MYO15B: variants seen among roughly 807,000 people sequenced by gnomAD.
The protein encoded by MYO15B is myosin XVB, also known as myosin XVB pseudogene.
MYO15B carries 207 observed loss-of-function variants against 119.3 expected under a neutral mutation model. The observed-to-expected ratio is 1.73, with a 90% CI of 1.55 to 1.95. The LOEUF is 1.95. Ranked by LOEUF, MYO15B falls within the 30% of genes most tolerant of loss-of-function variation. The pLI is 0.00. For synonymous variants in MYO15B, 966 were observed against 498.9 expected (o/e 1.94, Z -12.48); for missense variants, 2,264 against 1,203.1 (o/e 1.88, Z -13.04).
At chr17:75,603,601 C>T (rs1331918979) in intron 19 of MYO15B, among the ~76,000 whole-genome samples, 1 of 152,220 alleles carries the variant, frequency 6.6e-6, no homozygotes, top group African/African-American at 2.4e-5. Context: ...GGGAGCAGTA[C>T]CTGCCCTAGG....
exon 38 of MYO15B, chr17:75,616,410 G>C (rs1021812808): frequency 2.9e-5 from 18 of 624,546 alleles, no homozygotes; most frequent in Middle Eastern, 5.1e-4. Context: ...GGAGGAGGAG[G>C]AGGAGCAGGA....
At chr17:75,614,887 C>A in intron 32 of MYO15B, 38 bp downstream of exon 32, 1 of 702,888 alleles carries the variant, frequency 1.4e-6, no homozygotes, top group Non-Finnish European at 2.6e-6. Context: ...CCTGCCCCAA[C>A]CCCCCGGGGC....
At chr17:75,621,744 G>A (rs542108578) in intron 52 of MYO15B, 174 bp downstream of exon 52, 124 of 602,664 alleles carry the variant, frequency 2.1e-4, no homozygotes, top group Non-Finnish European at 2.9e-4. Context: ...CCCACTCAAG[G>A]GTTGTGGGTT....
intron 61 of MYO15B, 88 bp from the exon 62 acceptor site, chr17:75,625,755 GT>G (rs1298299776): frequency 1.4e-6 from 1 of 700,990 alleles, no homozygotes; most frequent in Non-Finnish European, 2.6e-6. Flanking sequence ...CGCCTGCCCT[GT>G]CCCTCTCAGC....
rs377700191 is a variant in MYO15B at position 75,603,922 on chromosome 17, G to A, written c.4016+610G>A. On this transcript the variant is annotated intron_variant, in intron 19 of 63. Transcript: ENST00000645453. Reference sequence around the variant, plus strand: ...TACCCCAAGCACAGGGACAGAGGGAGCAGGTGGAGTCACTTCTCGTTGATG... The same window carrying A: ...TACCCCAAGCACAGGGACAGAGGGAACAGGTGGAGTCACTTCTCGTTGATG... 2.4e-4 allele frequency among the ~76,000 whole-genome samples: 37 copies of A among 152,346 alleles called. 1 individual carries two copies. The highest frequency in any genetic ancestry group is 8.2e-4 in the African/African-American group (34 of 41,582).
intron 55 of MYO15B, 50 bp downstream of exon 55, chr17:75,624,114 G>C: frequency 1.4e-6 from 1 of 702,794 alleles, no homozygotes; most frequent in Non-Finnish European, 2.6e-6. Context: ...TCTAGGACTG[G>C]GAACTTGGTG....
At position 75,590,169 on chromosome 17, in the gene MYO15B, GC is replaced by G. The variant is rs1038298821; in HGVS notation, c.2114del (p.Pro705HisfsTer56). ...TGAGCCTCCGGCCGGGCCTGGAGGC[GC>G]CACCCTTCCCCGGTGCCAAGGGCAG... On this transcript the variant is annotated frameshift_variant, in exon 1 of 64. Coordinates refer to ENST00000645453, the Ensembl canonical transcript of MYO15B. LOFTEE classifies it high-confidence loss of function. 2 of 398,986 alleles carry G rather than the reference GC, an allele frequency of 5.0e-6. No individual in the cohort carries two copies. The highest frequency in any genetic ancestry group is 2.1e-5 in the African/African-American group (1 of 48,634). 24.7% of individuals were successfully genotyped at this position (398,986 alleles called of 1,614,324 possible).
exon 1 of MYO15B, chr17:75,588,313 C>A (rs2056191414): frequency 2.5e-6 from 1 of 398,250 alleles, no homozygotes; most frequent in Non-Finnish European, 4.4e-6. Flanking sequence ...TGGGCTGTCC[C>A]CGAAAGCCCA....
chr17:75,595,104 G>A (rs3743990), intron 12 of MYO15B, 132 bp downstream of exon 12: 49,645 of 623,822 alleles, frequency 0.08, 2,347 homozygotes, highest in African/African-American at 0.15. Context: ...GCGCTTTCAG[G>A]GCTCCTTCTG....
At chr17:75,597,700 G>A (rs563628084) in intron 14 of MYO15B, among the ~76,000 whole-genome samples, 18 of 152,082 alleles carry the variant, frequency 1.2e-4, no homozygotes, top group African/African-American at 4.1e-4. Context: ...CAAGGTGGGT[G>A]GATCCCTTGA....
rs1379601448 is a variant in MYO15B at position 75,591,015 on chromosome 17, C to T, written c.2359C>T (p.Pro787Ser). 2.6e-5 allele frequency: 16 copies of T among 621,936 alleles called. No individual in the cohort carries two copies. The South Asian group carries it at 3.0e-4, about 11-fold the overall frequency. 38.5% of individuals were successfully genotyped at this position (621,936 alleles called of 1,614,324 possible). The change falls in exon 3 of 64, where the codon CCA becomes TCA. Residue 787 changes from proline to serine, a missense_variant and splice_region_variant. By Grantham distance (74) the Pro-to-Ser change is moderately conservative. Coordinates refer to ENST00000645453, the Ensembl canonical transcript of MYO15B. ...CCCCAGGAAGGCCCTCAGCACCACT[C>T]CGTATGTGACTCTGCCCCACTGACC...
chr17:75,610,753 G>C (rs1750210833), intron 22 of MYO15B, 147 bp from the exon 23 acceptor site: 1 of 632,120 alleles, frequency 1.6e-6, no homozygotes, highest in Non-Finnish European at 2.9e-6. Flanking sequence ...GGAGGGCCAG[G>C]GGTGGCTGGC....
At chr17:75,593,197 T>TAAAAA (rs5822094) in intron 9 of MYO15B, among the ~76,000 whole-genome samples, 1 of 74,228 alleles carries the variant, frequency 1.3e-5, no homozygotes. Flanking sequence ...CCGTCTCTAT[T>TAAAAA]AAAAAAAAAA....
chr17:75,618,219 C>G (rs1433952825), intron 43 of MYO15B, 34 bp downstream of exon 43: 1 of 702,866 alleles, frequency 1.4e-6, no homozygotes, highest in Admixed American at 2.0e-5. Context: ...CCTGAGACAT[C>G]TGCAGAGACA....
intron 14 of MYO15B, among the ~76,000 whole-genome samples, chr17:75,600,348 C>G (rs7213005): frequency 0.045 from 6,753 of 150,354 alleles, 246 homozygotes; most frequent in African/African-American, 0.1. Context: ...TTTGAAAGAC[C>G]TGTTTAAAAG....
chr17:75,626,242 C>A lies in MYO15B; in HGVS notation c.9213+14C>A, dbSNP rs1457082166. ...GAGCTGCCACAGGTGAGTGGCCAGG[C>A]CTCTGGCCACCTTGCGAAGGTGGAT... On this transcript the variant is annotated intron_variant, in intron 63 of 63. Coordinates refer to ENST00000645453, the Ensembl canonical transcript of MYO15B. 1 of 702,126 alleles carries A rather than the reference C, an allele frequency of 1.4e-6. No homozygotes were observed. The highest frequency in any genetic ancestry group is 1.7e-5 in the African/African-American group (1 of 57,208). 43.5% of individuals were successfully genotyped at this position (702,126 alleles called of 1,614,324 possible).
exon 1 of MYO15B, chr17:75,588,949 C>T: frequency 2.5e-6 from 1 of 398,214 alleles, no homozygotes; most frequent in Non-Finnish European, 4.4e-6. Flanking sequence ...CTCGACGGCC[C>T]GGGCTCCGCG....
exon 24 of MYO15B, chr17:75,611,607 G>C (rs1221310526): frequency 1.4e-6 from 1 of 702,788 alleles, no homozygotes; most frequent in Admixed American, 2.0e-5. Context: ...CCAGGAGCTG[G>C]GGCGCTTGGA....
intron 14 of MYO15B, among the ~76,000 whole-genome samples, chr17:75,600,999 G>C (rs1248951178): frequency 6.6e-6 from 1 of 151,038 alleles, no homozygotes; most frequent in Non-Finnish European, 1.5e-5. Flanking sequence ...CGCCTCCTGG[G>C]TTCAAGTGAT....
Sources: allele counts gnomAD v4.1 joint callset (sites outside exome capture counted in the v4.1 genomes callset), GRCh38; gene constraint gnomAD v4.1.1; transcripts MANE v1.5; gene names NCBI Gene and HGNC (gene_info 2026-07-23, HGNC 2026-07-21).